EXOC4: variants seen among roughly 807,000 people sequenced by gnomAD.
EXOC4 encodes the protein SEC8-like 1.
In EXOC4, 71 loss-of-function variants were observed where a neutral mutation model predicts 107.2. That is an observed-to-expected ratio of 0.66 (90% confidence interval 0.55 to 0.81). The LOEUF (loss-of-function observed/expected upper bound fraction) is 0.81. Among genes scored for constraint, EXOC4 ranks in the 30% least tolerant of loss-of-function variants. The pLI is 0.00. For synonymous variants in EXOC4, 456 were observed against 441.2 expected, an observed-to-expected ratio of 1.03 and a Z score of -0.42; for missense variants, 1,108 against 1,189.6, an observed-to-expected ratio of 0.93 and a Z score of 1.01.
chr7:133,768,262 T>A (rs1408034416), intron 10 of EXOC4: 2 of 152,012 alleles, frequency 1.3e-5, no homozygotes, highest in Non-Finnish European at 2.9e-5. Flanking sequence ...AGTTGTTTGA[T>A]GATTTGAAAT....
intron 17 of EXOC4, among the ~76,000 whole-genome samples, chr7:134,063,273 AC>A (rs1288360369): frequency 6.6e-6 from 1 of 151,830 alleles, no homozygotes; most frequent in African/African-American, 2.4e-5. Flanking sequence ...ACAGAATCTT[AC>A]CCCACAGGAA....
intron 9 of EXOC4, among the ~76,000 whole-genome samples, chr7:133,558,201 C>CTTTTCTTTTT (rs1800734624): frequency 1.6e-5 from 2 of 125,856 alleles, no homozygotes; most frequent in African/African-American, 7.2e-5. Context: ...CTTTTCTTTT[C>CTTTTCTTTTT]TTTTCTTTTC....
chr7:133,766,456 A>G (rs1342557517), intron 10 of EXOC4, among the ~76,000 whole-genome samples: 1 of 152,016 alleles, frequency 6.6e-6, no homozygotes, highest in African/African-American at 2.4e-5. Flanking sequence ...GTGACATTTC[A>G]TTAGAATGGT....
downstream of EXOC4, among the ~76,000 whole-genome samples, chr7:134,067,638 T>TACACACACACAC (rs60853968): frequency 2.3e-5 from 3 of 132,062 alleles, no homozygotes; most frequent in African/African-American, 5.4e-5. Context: ...TATATATATA[T>TACACACACACAC]ACACACACAC....
At chr7:133,744,264 A>G (rs2151131714) in intron 10 of EXOC4, among the ~76,000 whole-genome samples, 1 of 152,260 alleles carries the variant, frequency 6.6e-6, no homozygotes. Context: ...CATCTTAGGT[A>G]CAGGAAATAT....
intron 11 of EXOC4, among the ~76,000 whole-genome samples, chr7:133,877,851 G>A (rs559461423): frequency 6.6e-6 from 1 of 152,286 alleles, no homozygotes; most frequent in African/African-American, 2.4e-5. Context: ...GACTGTAGCT[G>A]CCTTGGTCTT....
intron 9 of EXOC4, among the ~76,000 whole-genome samples, chr7:133,621,011 A>G (rs982398674): frequency 6.6e-6 from 1 of 152,212 alleles, no homozygotes; most frequent in Admixed American, 6.5e-5. Context: ...ATTGGCTCAT[A>G]TCTTACATTT....
In EXOC4 at chr7:133,894,875, T is replaced by A. The variant is rs1313498639; in HGVS notation, c.1735-724T>A. Among the ~76,000 whole-genome samples the A allele has an allele frequency of 2.3e-5, 2 of 85,478 alleles. 1 individual carries two copies. Among genetic ancestry groups the A allele is most frequent in the East Asian group, 5.3e-4 (2 of 3,786 alleles). 56.1% of individuals were successfully genotyped at this position (85,478 alleles called of 152,430 possible). On this transcript the variant is annotated intron_variant, in intron 11 of 17. Coordinates refer to ENST00000253861, the MANE Select transcript of EXOC4 (RefSeq NM_021807.4). ...TTTAAGTCTGCAGAGTTTACTGCTG[T>A]CTTTTTGTTTGTCTGTGCCCTGCCC...
chr7:133,456,273 T>C (rs541972012), intron 7 of EXOC4, among the ~76,000 whole-genome samples: 27 of 152,204 alleles, frequency 1.8e-4, no homozygotes, highest in Non-Finnish European at 3.8e-4. Flanking sequence ...GAGGTCACCA[T>C]GTGGCTGGAA....
chr7:133,644,945 A>G (rs1483628080), intron 10 of EXOC4, among the ~76,000 whole-genome samples: 3 of 152,208 alleles, frequency 2.0e-5, no homozygotes, highest in African/African-American at 7.2e-5. Flanking sequence ...TGTGAGCCAC[A>G]GTGCTCAGCC....
intron 10 of EXOC4, among the ~76,000 whole-genome samples, chr7:133,642,854 A>C (rs531410143): frequency 6.6e-6 from 1 of 152,064 alleles, no homozygotes; most frequent in Non-Finnish European, 1.5e-5. Context: ...GCTATTTTCA[A>C]AATTTTTTTC....
intron 9 of EXOC4, among the ~76,000 whole-genome samples, chr7:133,550,276 A>G (rs1358422562): frequency 6.6e-6 from 1 of 152,178 alleles, no homozygotes; most frequent in African/African-American, 2.4e-5. Context: ...CCAAGTACAT[A>G]GTAGGTACCT....
chr7:133,988,800 G>A (rs962274291), intron 14 of EXOC4, among the ~76,000 whole-genome samples: 1 of 152,142 alleles, frequency 6.6e-6, no homozygotes, highest in Non-Finnish European at 1.5e-5. Flanking sequence ...GGGATACGCT[G>A]AAGAGAAAAA....
intron 17 of EXOC4, among the ~76,000 whole-genome samples, chr7:134,033,571 C>T (rs77435980): frequency 0.019 from 2,966 of 152,144 alleles, 79 homozygotes; most frequent in African/African-American, 0.06. Context: ...GGCCCAAGAT[C>T]CAATTGGAGT....
chr7:133,289,153 A>G, intron 3 of EXOC4, 37 bp downstream of exon 3: 1 of 1,566,408 alleles, frequency 6.4e-7, no homozygotes, highest in African/African-American at 1.3e-5. Flanking sequence ...CATTTTTGTT[A>G]AGATGTAAAA....
chr7:133,613,851 A>G (rs531859980), intron 9 of EXOC4, among the ~76,000 whole-genome samples: 42 of 152,316 alleles, frequency 2.8e-4, no homozygotes, highest in Admixed American at 1.8e-3. Flanking sequence ...TAAGAAAGGC[A>G]TACCTATAGA....
intron 10 of EXOC4, among the ~76,000 whole-genome samples, chr7:133,644,931 G>C (rs1802950508): frequency 6.6e-6 from 1 of 152,054 alleles, no homozygotes; most frequent in African/African-American, 2.4e-5. Context: ...ACTATTTAAA[G>C]TTTTGTGAGC....
chr7:133,327,265 G>T (rs1348134396), intron 5 of EXOC4, among the ~76,000 whole-genome samples: 1 of 152,204 alleles, frequency 6.6e-6, no homozygotes, highest in African/African-American at 2.4e-5. Flanking sequence ...CAGTACCTCA[G>T]TTGGAAATGC....
At chr7:134,039,813 T>G (rs544904447) in intron 17 of EXOC4, among the ~76,000 whole-genome samples, 4 of 152,338 alleles carry the variant, frequency 2.6e-5, no homozygotes, top group African/African-American at 9.6e-5. Flanking sequence ...GGATGGTTGT[T>G]CACTCCTGAT....
Sources: gnomAD v4.1 joint callset for allele counts (sites outside exome capture counted in the v4.1 genomes callset) on GRCh38, gnomAD v4.1.1 for gene constraint, MANE v1.5 for transcripts, NCBI Gene and HGNC (gene_info 2026-07-23, HGNC 2026-07-21) for gene names.